Variants in TERB1 observed in about 807,000 individuals in gnomAD.
The protein encoded by TERB1 is telomere repeat binding bouquet formation protein 1.
A neutral mutation model predicts 92.3 loss-of-function variants in TERB1; 63 were observed. That is an observed-to-expected ratio of 0.68 (90% CI 0.56 to 0.84). TERB1 has a LOEUF of 0.84. Ranked by LOEUF, TERB1 falls within the 40% of genes least tolerant of loss-of-function variation. The pLI, the probability that TERB1 is intolerant of heterozygous loss-of-function variation, is 0.00. For synonymous variants in TERB1, 252 were observed against 283.9 expected (o/e 0.89, Z 1.13); for missense variants, 709 against 843.7 (o/e 0.84, Z 1.98).
At chr16:66,758,657 C>A in intron 18 of TERB1, 116 bp downstream of exon 18, 1 of 624,588 alleles carries the variant, frequency 1.6e-6, no homozygotes, top group South Asian at 1.8e-5. Context: ...AGGAGAATCA[C>A]TTGAACCTGG....
chr16:66,786,777 G>C (rs994670223), intron 6 of TERB1, among the ~76,000 whole-genome samples: 1 of 152,178 alleles, frequency 6.6e-6, no homozygotes, highest in Non-Finnish European at 1.5e-5. Flanking sequence ...GAGGACTAGA[G>C]GGTGAGAGAC....
chr16:66,754,655 A>G lies in TERB1; in HGVS notation c.*321T>C, dbSNP rs2018106457. 1 of 249,846 alleles carries G rather than the reference A, an allele frequency of 4.0e-6. No individual in the cohort carries two copies. The highest frequency in any genetic ancestry group is 2.3e-5 in the African/African-American group (1 of 44,140). The allele number at this position is 249,846 out of a possible 1,614,324, so 15.5% of individuals were successfully genotyped here. On this transcript the variant is annotated 3_prime_UTR_variant, in exon 19 of 19. Coordinates refer to ENST00000433154, the MANE Select transcript of TERB1 (RefSeq NM_001136505.2). ...AATCCAAATGTCCCACATAGTATTT[A>G]TTGCAATATAATGTCAAATAACATT... is the stretch of plus-strand genomic sequence containing the variant.
intron 9 of TERB1, among the ~76,000 whole-genome samples, chr16:66,780,928 GT>G (rs1260737259): frequency 6.6e-6 from 1 of 151,830 alleles, no homozygotes; most frequent in African/African-American, 2.4e-5. Context: ...ATGTGTGAAA[GT>G]TCTAGTTGTT....
intron 18 of TERB1, chr16:66,758,543 C>G: frequency 5.5e-6 from 2 of 364,410 alleles, no homozygotes; most frequent in South Asian, 6.1e-5. Flanking sequence ...GAGTTTGAGA[C>G]CAGCCTGGCC....
chr16:66,757,965 A>G (rs568343650), intron 18 of TERB1, among the ~76,000 whole-genome samples: 2 of 152,294 alleles, frequency 1.3e-5, no homozygotes, highest in Non-Finnish European at 2.9e-5. Flanking sequence ...TTGTCTCTTC[A>G]ATTTTTATTG....
chr16:66,775,796 C>T (rs1437165725), intron 11 of TERB1, among the ~76,000 whole-genome samples: 6 of 150,000 alleles, frequency 4.0e-5, no homozygotes, highest in Admixed American at 6.6e-5. Flanking sequence ...CTGCAGTCTC[C>T]GCCTCCCGGG....
intron 9 of TERB1, 39 bp downstream of exon 9, chr16:66,785,747 G>A (rs1206380774): frequency 6.8e-7 from 1 of 1,472,270 alleles, no homozygotes; most frequent in African/African-American, 1.4e-5. Context: ...TTTGAAATAT[G>A]TTTCTTCAAC....
chr16:66,771,486 C>T (rs1166905639), intron 13 of TERB1, among the ~76,000 whole-genome samples: 1 of 152,126 alleles, frequency 6.6e-6, no homozygotes, highest in African/African-American at 2.4e-5. Flanking sequence ...AATAACTTGC[C>T]TAAACTTTCC....
intron 18 of TERB1, among the ~76,000 whole-genome samples, chr16:66,755,456 C>T (rs1465124207): frequency 1.3e-5 from 2 of 152,176 alleles, no homozygotes; most frequent in Non-Finnish European, 2.9e-5. Flanking sequence ...ATTGTTAATT[C>T]AACATTCCTG....
intron 5 of TERB1, among the ~76,000 whole-genome samples, chr16:66,789,852 G>A (rs1032284898): frequency 6.6e-6 from 1 of 151,640 alleles, no homozygotes; most frequent in Non-Finnish European, 1.5e-5. Context: ...TGGGACCACA[G>A]GTGCACACTA....
At chr16:66,801,441 A>C (rs1041329951) in intron 1 of TERB1, 27 bp downstream of exon 1, 1 of 152,194 alleles carries the variant, frequency 6.6e-6, no homozygotes. Context: ...GGCCGGCCCA[A>C]CCCGCCTTAC....
chr16:66,799,771 T>G (rs1028779651), intron 2 of TERB1, among the ~76,000 whole-genome samples: 4 of 152,192 alleles, frequency 2.6e-5, no homozygotes, highest in African/African-American at 9.6e-5. Context: ...AAATTATATT[T>G]AAAATTATAA....
At chr16:66,762,597 T>G (rs560629324) in intron 16 of TERB1, among the ~76,000 whole-genome samples, 1 of 152,068 alleles carries the variant, frequency 6.6e-6, no homozygotes, top group Admixed American at 6.6e-5. Flanking sequence ...TTCCCAGGGC[T>G]GGTCTCAAAC....
At position 66,768,016 on chromosome 16, in the gene TERB1, C is replaced by A. The variant is rs1468762661; in HGVS notation, c.1684+88G>T. The A allele has an allele frequency of 1.0e-5, 11 of 1,081,998 alleles. No homozygotes were observed. The Admixed American group carries it at 2.2e-4, about 22-fold the overall frequency. 67.0% of individuals were successfully genotyped at this position (1,081,998 alleles called of 1,614,324 possible). A position where few individuals can be genotyped will look rare whatever the true frequency, so the allele number is the denominator to read the frequency against. On this transcript the variant is annotated intron_variant, in intron 15 of 18. Transcript: ENST00000433154. ...GTGCTGGGATTACAGGCGTGAGCCACCGCACCCAGTCAATGTGCATTTTTA... is the reference window on the plus strand; with the variant it reads ...GTGCTGGGATTACAGGCGTGAGCCAACGCACCCAGTCAATGTGCATTTTTA...
At chr16:66,761,992 G>A (rs2018259399) in intron 16 of TERB1, among the ~76,000 whole-genome samples, 1 of 152,238 alleles carries the variant, frequency 6.6e-6, no homozygotes, top group Admixed American at 6.5e-5. Flanking sequence ...GGCAGAGACT[G>A]CAGTGAGCCG....
rs900943846 is a variant in TERB1 at position 66,770,198 on chromosome 16, C to T, written c.1384G>A (p.Glu462Lys). 3 of 1,552,300 alleles carry T rather than the reference C, an allele frequency of 1.9e-6. 1 individual carries two copies. The highest frequency in any genetic ancestry group is 2.6e-6 in the Non-Finnish European group (3 of 1,147,118). Residue 462 changes from glutamate (E) to lysine (K), a missense_variant, in exon 14 of 19, where the codon GAA becomes AAA. Glu to Lys is a moderately conservative substitution (Grantham distance 56). Transcript: ENST00000433154. ...CTAGAATGGCTTTTATCCTCATCTT[C>T]TGCTTTGCTACCTCGACCAATCCGA... ...ADRIGRGSKA[E>K]DEDKSHSRQL... is the part of the protein sequence containing the mutation.
In TERB1 at chr16:66,788,225, T is replaced by A. The variant is rs1307094912; in HGVS notation, c.344A>T (p.Asn115Ile). The A allele has an allele frequency of 1.3e-6, 2 of 1,514,038 alleles. No homozygotes were observed. Among genetic ancestry groups the A allele is most frequent in the African/African-American group, 2.8e-5 (2 of 70,856 alleles). The allele number at this position is 1,514,038 out of a possible 1,614,324, so 93.8% of individuals were successfully genotyped here. A position where few individuals can be genotyped will look rare whatever the true frequency, so the allele number is the denominator to read the frequency against. Residue 115 changes from asparagine (N) to isoleucine (I), a missense_variant, in exon 6 of 19, where the codon AAC becomes ATC. Coordinates refer to ENST00000433154, the MANE Select transcript of TERB1 (RefSeq NM_001136505.2). Reference protein sequence around the residue: ...DLTWFLSNDSNINLKRMSVYV... With the variant: ...DLTWFLSNDSIINLKRMSVYV... ...AACAGACATTCTTTTCAAATTTATGTTTGAATCATTAGATAAGAACCAAGT... is the reference window on the plus strand; with the variant it reads ...AACAGACATTCTTTTCAAATTTATGATTGAATCATTAGATAAGAACCAAGT...
intron 18 of TERB1, chr16:66,758,161 T>C (rs897917503): frequency 6.6e-6 from 1 of 152,260 alleles, no homozygotes; most frequent in Non-Finnish European, 1.5e-5. Flanking sequence ...AGCAAATTAA[T>C]ATCTAACTTA....
Position 66,779,033 on chromosome 16 carries a change from C to T in TERB1, c.701-18G>A, listed in dbSNP as rs560660196. 15 of 1,450,462 alleles carry T rather than the reference C, an allele frequency of 1.0e-5. No homozygotes were observed. In the African/African-American group the frequency reaches 2.1e-4, roughly 21 times the overall value. The allele number at this position is 1,450,462 out of a possible 1,614,324, so 89.8% of individuals were successfully genotyped here. ...AACATATGCTTAAAGAATAAAGTAGCAAAACTATTAATATTTCAAACAAGA... is the reference window on the plus strand; with the variant it reads ...AACATATGCTTAAAGAATAAAGTAGTAAAACTATTAATATTTCAAACAAGA... On this transcript the variant is annotated intron_variant, in intron 9 of 18. Transcript: ENST00000433154.
Sources: allele counts gnomAD v4.1 joint callset (sites outside exome capture counted in the v4.1 genomes callset), GRCh38; gene constraint gnomAD v4.1.1; transcripts MANE v1.5; gene names NCBI Gene and HGNC (gene_info 2026-07-23, HGNC 2026-07-21).